IFIH1: variants seen among roughly 807,000 people sequenced by gnomAD.
IFIH1 encodes interferon induced with helicase C domain 1.
A neutral mutation model predicts 107.4 loss-of-function variants in IFIH1; 125 were observed. The observed-to-expected ratio is 1.16, with a 90% CI of 1.01 to 1.35. IFIH1 has a LOEUF of 1.35. Among genes scored for constraint, IFIH1 ranks in the 40% most tolerant of loss-of-function variants. The probability of loss-of-function intolerance (pLI) is 0.00; values close to 1 mark genes in which losing one functional copy is unlikely to be tolerated. For missense variants in IFIH1, 1,333 were observed against 1,213.7 expected, an observed-to-expected ratio of 1.10 and a Z score of -1.46; for synonymous variants, 458 against 413.2, an observed-to-expected ratio of 1.11 and a Z score of -1.31.
intron 4 of IFIH1, 44 bp downstream of exon 4, chr2:162,293,520 C>T: frequency 7.9e-7 from 1 of 1,270,150 alleles, no homozygotes; most frequent in Non-Finnish European, 1.1e-6. Flanking sequence ...TATATGGCGT[C>T]TTATTTCACA....
intron 3 of IFIH1, among the ~76,000 whole-genome samples, chr2:162,302,130 A>G (rs1169538481): frequency 6.6e-6 from 1 of 152,152 alleles, no homozygotes; most frequent in Non-Finnish European, 1.5e-5. Context: ...CCAAAGGGAT[A>G]TGTGTTTAAA....
At chr2:162,311,643 T>C (rs1261497592) in intron 1 of IFIH1, among the ~76,000 whole-genome samples, 1 of 152,172 alleles carries the variant, frequency 6.6e-6, no homozygotes, top group East Asian at 1.9e-4. Context: ...TTCTTTTAAA[T>C]GTGGATCTTT....
chr2:162,313,030 C>T (rs780772305), intron 1 of IFIH1, among the ~76,000 whole-genome samples: 3 of 151,980 alleles, frequency 2.0e-5, no homozygotes, highest in Non-Finnish European at 2.9e-5. Flanking sequence ...CTTTCTTTGC[C>T]GTTATTGAGT....
chr2:162,301,421 T>C (rs1369110590), intron 3 of IFIH1, among the ~76,000 whole-genome samples: 2 of 152,166 alleles, frequency 1.3e-5, no homozygotes, highest in East Asian at 3.9e-4. Context: ...GTTTTCACAA[T>C]AGGGCAGCTG....
intron 4 of IFIH1, among the ~76,000 whole-genome samples, chr2:162,290,594 T>A (rs1407778724): frequency 6.6e-6 from 1 of 151,898 alleles, no homozygotes; most frequent in Non-Finnish European, 1.5e-5. Flanking sequence ...TGCCAGGCAC[T>A]CTCAATAATA....
intron 2 of IFIH1, among the ~76,000 whole-genome samples, chr2:162,308,001 C>A (rs926741838): frequency 1.3e-5 from 2 of 152,116 alleles, no homozygotes; most frequent in African/African-American, 4.8e-5. Context: ...AAGTCGAGAA[C>A]CTGGCCAAAG....
Position 162,267,132 on chromosome 2 carries a change from G to T in IFIH1, c.*68C>A. On this transcript the variant is annotated 3_prime_UTR_variant, in exon 16 of 16. Coordinates refer to ENST00000649979, the MANE Select transcript of IFIH1 (RefSeq NM_022168.4). Reference sequence around the variant, plus strand: ...TCTTATGTCAGTTCTGTAGCATAATGAATACATTAATCATAATCATATTAA... The same window carrying T: ...TCTTATGTCAGTTCTGTAGCATAATTAATACATTAATCATAATCATATTAA... 6 of 1,130,200 alleles carry T rather than the reference G, an allele frequency of 5.3e-6. No individual in the cohort carries two copies. The highest frequency in any genetic ancestry group is 1.6e-5 in the African/African-American group (1 of 63,044). 70.0% of individuals were successfully genotyped at this position (1,130,200 alleles called of 1,614,324 possible).
In IFIH1 at chr2:162,277,458, C is replaced by T; in HGVS notation, c.2001G>A (p.Leu667=). 1 of 1,609,246 alleles carries T rather than the reference C, an allele frequency of 6.2e-7. No individual in the cohort carries two copies. Among genetic ancestry groups the T allele is most frequent in the Non-Finnish European group, 8.5e-7 (1 of 1,176,636 alleles). ...DEDEDDLKKP[L]KLDETDRFLM... ...GAAATCTATCTGTTTCATCCAGTTT[C>T]AAAGGTTTCTTTAAATCATCCTCAT... is the stretch of plus-strand genomic sequence containing the variant. Residue 667 remains leucine (L), a synonymous_variant, in exon 10 of 16, where the codon TTG becomes TTA. Transcript: ENST00000649979.
At chr2:162,282,069 T>C (rs892769092) in intron 6 of IFIH1, among the ~76,000 whole-genome samples, 1 of 152,008 alleles carries the variant, frequency 6.6e-6, no homozygotes, top group African/African-American at 2.4e-5. Flanking sequence ...TGTATTTTTA[T>C]TCTATGGGAA....
chr2:162,282,433 T>C lies in IFIH1; in HGVS notation c.1239A>G (p.Thr413=). The C allele has an allele frequency of 5.0e-6, 8 of 1,612,192 alleles. No individual in the cohort carries two copies. Among genetic ancestry groups the C allele is most frequent in the Non-Finnish European group, 6.8e-6 (8 of 1,178,746 alleles). Residue 413 remains threonine (T), a synonymous_variant, in exon 6 of 16, where the codon ACA becomes ACG. Transcript: ENST00000649979. ...AGAGGGAGTTTTCAAGGATTTGAGCTGTACTGATAATAATATCACAGGACT... is the reference window on the plus strand; with the variant it reads ...AGAGGGAGTTTTCAAGGATTTGAGCCGTACTGATAATAATATCACAGGACT... The part of the protein sequence containing the change: ...VVKSCDIIIS[T]AQILENSLLN...
chr2:162,315,835 A>C (rs1683481451), intron 1 of IFIH1, among the ~76,000 whole-genome samples: 1 of 152,208 alleles, frequency 6.6e-6, no homozygotes, highest in Non-Finnish European at 1.5e-5. Flanking sequence ...TTAGTTTTGG[A>C]ACTGATAATA....
intron 1 of IFIH1, among the ~76,000 whole-genome samples, chr2:162,312,828 T>C (rs1490925427): frequency 6.6e-6 from 1 of 152,202 alleles, no homozygotes; most frequent in Non-Finnish European, 1.5e-5. Flanking sequence ...GCCATTCTCA[T>C]ATTTTATTAC....
chr2:162,297,123 A>C (rs978515817), intron 3 of IFIH1, among the ~76,000 whole-genome samples: 3 of 152,106 alleles, frequency 2.0e-5, no homozygotes, highest in Non-Finnish European at 4.4e-5. Context: ...TTCCTCCTGC[A>C]TTCACTTTAA....
intron 3 of IFIH1, among the ~76,000 whole-genome samples, chr2:162,306,116 C>T (rs866816469): frequency 5.9e-5 from 9 of 152,252 alleles, no homozygotes; most frequent in Admixed American, 2.0e-4. Flanking sequence ...TCTCCTATCA[C>T]GAGCAGATTA....
chr2:162,270,199 C>T (rs1471759643), intron 13 of IFIH1, among the ~76,000 whole-genome samples: 1 of 152,042 alleles, frequency 6.6e-6, no homozygotes, highest in Non-Finnish European at 1.5e-5. Flanking sequence ...CTACAATCAG[C>T]CTAAGTCCAA....
At chr2:162,302,147 T>G (rs1683204242) in intron 3 of IFIH1, among the ~76,000 whole-genome samples, 1 of 152,088 alleles carries the variant, frequency 6.6e-6, no homozygotes, top group African/African-American at 2.4e-5. Context: ...TAAAATTAGT[T>G]TCAAGGTGGG....
chr2:162,277,596 A>G lies in IFIH1; in HGVS notation c.1863T>C (p.Asp621=). Residue 621 remains aspartate, a synonymous_variant, in exon 10 of 16, where the codon GAT becomes GAC. Transcript: ENST00000649979. ...LQINDTIRMI[D]AYTHLETFYN... is the part of the protein sequence containing the mutation. ...AGAAAGTTTCAAGATGAGTATACGC[A>G]TCTATCATTCGAATTGTGTCATTAA... 1 of 1,613,192 alleles carries G rather than the reference A, an allele frequency of 6.2e-7. No homozygotes were observed. The highest frequency in any genetic ancestry group is 8.5e-7 in the Non-Finnish European group (1 of 1,179,336).
intron 5 of IFIH1, 55 bp downstream of exon 5, chr2:162,288,080 G>T: frequency 8.5e-7 from 1 of 1,182,384 alleles, no homozygotes; most frequent in Non-Finnish European, 1.2e-6. Flanking sequence ...TCATATAAAA[G>T]TTTCAGAATA....
At chr2:162,272,867 C>A (rs976136605) in intron 12 of IFIH1, among the ~76,000 whole-genome samples, 2 of 152,164 alleles carry the variant, frequency 1.3e-5, no homozygotes. Context: ...ACATATTTAA[C>A]ATGGTGATAA....
Sources: gnomAD v4.1 joint callset for allele counts (sites outside exome capture counted in the v4.1 genomes callset) on GRCh38, gnomAD v4.1.1 for gene constraint, MANE v1.5 for transcripts, NCBI Gene and HGNC (gene_info 2026-07-23, HGNC 2026-07-21) for gene names.